Variants in RHCE observed in about 807,000 individuals in gnomAD.
RHCE encodes blood group Rh(CE) polypeptide.
In RHCE, 22 loss-of-function variants were observed where a neutral mutation model predicts 43.8. The observed-to-expected ratio is 0.50, with a 90% CI of 0.36 to 0.72. The LOEUF (loss-of-function observed/expected upper bound fraction) is 0.72, where lower values mean the gene tolerates loss of function less well. Among genes scored for constraint, RHCE ranks in the 30% least tolerant of loss-of-function variants. The probability of loss-of-function intolerance (pLI) is 0.00; values close to 1 mark genes in which losing one functional copy is unlikely to be tolerated. For missense variants in RHCE, 385 were observed against 525.4 expected (o/e 0.73, Z 2.61); for synonymous variants, 156 against 210.7 (o/e 0.74, Z 2.25).
At chr1:25,391,088 C>T (rs1361165603) in intron 4 of RHCE, among the ~76,000 whole-genome samples, 173 bp from the exon 5 acceptor site, 1 of 152,176 alleles carries the variant, frequency 6.6e-6, no homozygotes, top group African/African-American at 2.4e-5. Context: ...CAGCTAACCA[C>T]ATTTTACAGA....
chr1:25,374,599 A>C (rs1032870345), intron 8 of RHCE, among the ~76,000 whole-genome samples: 1 of 130,336 alleles, frequency 7.7e-6, no homozygotes, highest in Non-Finnish European at 1.6e-5. Context: ...CACCAACCAC[A>C]CTGGTCTCCT....
At chr1:25,403,883 T>G (rs1016770030) in intron 2 of RHCE, among the ~76,000 whole-genome samples, 12 of 151,944 alleles carry the variant, frequency 7.9e-5, no homozygotes, top group African/African-American at 2.9e-4. Context: ...TTTAACCCTA[T>G]AAGGCTGGGC....
At chr1:25,416,625 AT>A (rs969323663) in intron 1 of RHCE, among the ~76,000 whole-genome samples, 2 of 148,776 alleles carry the variant, frequency 1.3e-5, no homozygotes, top group Admixed American at 6.7e-5. Context: ...AAATATTTTC[AT>A]TTTTTTTTGA....
At chr1:25,394,092 G>A (rs1245933795) in intron 3 of RHCE, among the ~76,000 whole-genome samples, 2 of 152,118 alleles carry the variant, frequency 1.3e-5, no homozygotes, top group Non-Finnish European at 2.9e-5. Context: ...GGGTTCAAGC[G>A]ATTCTCCTGC....
Position 25,385,723 on chromosome 1 carries a change from T to C in RHCE, c.1061A>G (p.Asn354Ser). Residue 354 changes from asparagine to serine, a missense_variant, in exon 7 of 10, where the codon AAC becomes AGC. By Grantham distance (46) the Asn-to-Ser change is conservative. Around this residue, in one of 6 missense-constraint regions of RHCE, gnomAD observed 82 missense variants for 69.2 expected, o/e 1.18. Coordinates refer to ENST00000294413, the MANE Select transcript of RHCE (RefSeq NM_020485.8). ...CCCAGTGACCCACATGCCATTGCCGTTCCAGACAGTATGAAGCACCAGCAG... is the reference window on the plus strand; with the variant it reads ...CCCAGTGACCCACATGCCATTGCCGCTCCAGACAGTATGAAGCACCAGCAG... ...IVLLVLHTVW[N>S]GNGMIGFQVL... The C allele has an allele frequency of 6.2e-7, 1 of 1,613,956 alleles. No homozygotes were observed. The highest frequency in any genetic ancestry group is 8.5e-7 in the Non-Finnish European group (1 of 1,180,000).
chr1:25,411,232 CATCCGAAG>C, intron 1 of RHCE: 5 of 1,386,506 alleles, frequency 3.6e-6, no homozygotes, highest in Non-Finnish European at 4.8e-6. Flanking sequence ...GTTTCTGGGA[CATCCGAAG>C]GAAATAATGT....
chr1:25,369,008 G>A (rs1383632169), intron 9 of RHCE, among the ~76,000 whole-genome samples: 14 of 151,714 alleles, frequency 9.2e-5, no homozygotes, highest in South Asian at 2.1e-4. Flanking sequence ...TGATCCACCC[G>A]CCTTGGCCTC....
intron 2 of RHCE, among the ~76,000 whole-genome samples, chr1:25,403,300 T>C: frequency 6.6e-6 from 1 of 151,762 alleles, no homozygotes; most frequent in Non-Finnish European, 1.5e-5. Flanking sequence ...TTCATCTCAC[T>C]GAGCCTATTT....
intron 8 of RHCE, among the ~76,000 whole-genome samples, chr1:25,374,602 G>C (rs866522824): frequency 7.5e-6 from 1 of 133,652 alleles, no homozygotes; most frequent in South Asian, 2.6e-4. Flanking sequence ...CAACCACACT[G>C]GTCTCCTTAC....
intron 1 of RHCE, 43 bp from the exon 2 acceptor site, chr1:25,408,912 A>G (rs1646993579): frequency 8.1e-7 from 1 of 1,229,196 alleles, no homozygotes; most frequent in African/African-American, 1.4e-5. Flanking sequence ...GGGGAAGCAG[A>G]CGAGATTTAG....
intron 7 of RHCE, among the ~76,000 whole-genome samples, chr1:25,382,084 A>G (rs1646019165): frequency 1.3e-5 from 2 of 151,320 alleles, no homozygotes; most frequent in South Asian, 4.1e-4. Flanking sequence ...AGAGGGCAAG[A>G]GCATGCCAGC....
chr1:25,370,144 T>C (rs1357251460), intron 9 of RHCE, among the ~76,000 whole-genome samples: 1 of 151,722 alleles, frequency 6.6e-6, no homozygotes, highest in Non-Finnish European at 1.5e-5. Context: ...TGCGGGGTTC[T>C]GTCACCCGCA....
At chr1:25,383,512 G>T (rs965060526) in intron 7 of RHCE, among the ~76,000 whole-genome samples, 1 of 152,154 alleles carries the variant, frequency 6.6e-6, no homozygotes, top group African/African-American at 2.4e-5. Flanking sequence ...TGTGACATAG[G>T]ACTTATTTTC....
intron 7 of RHCE, among the ~76,000 whole-genome samples, chr1:25,381,112 C>G (rs1162727698): frequency 3.3e-5 from 5 of 152,078 alleles, no homozygotes; most frequent in African/African-American, 1.2e-4. Context: ...CTTGGTCACA[C>G]TCTCAGTTTT....
Position 25,392,100 on chromosome 1 carries a change from T to C in RHCE, c.528A>G (p.Ala176=). 1 of 1,614,178 alleles carries C rather than the reference T, an allele frequency of 6.2e-7. No individual in the cohort carries two copies. Among genetic ancestry groups the C allele is most frequent in the South Asian group, 1.1e-5 (1 of 91,088 alleles). Residue 176 remains alanine, a synonymous_variant, in exon 4 of 10, where the codon GCA becomes GCG. Transcript: ENST00000294413. ...HMNLRHFYVF[A]AYFGLTVAWC... is the part of the protein sequence containing the mutation. ...AGGCCACAGTCAGCCCAAAATAGGC[T>C]GCGAACACGTAGAAGTGCCTCAGGT...
chr1:25,396,624 G>C (rs1408059470), intron 3 of RHCE, among the ~76,000 whole-genome samples: 1 of 152,236 alleles, frequency 6.6e-6, no homozygotes, highest in Admixed American at 6.5e-5. Flanking sequence ...AGGTGAGAGA[G>C]AGAGAGAAAG....
intron 7 of RHCE, among the ~76,000 whole-genome samples, chr1:25,378,389 T>C (rs1459806233): frequency 1.3e-5 from 2 of 152,196 alleles, no homozygotes; most frequent in Non-Finnish European, 2.9e-5. Context: ...TACTAGAATA[T>C]TCATAATAGC....
chr1:25,402,092 G>C (rs904316786), intron 3 of RHCE, among the ~76,000 whole-genome samples: 1 of 151,982 alleles, frequency 6.6e-6, no homozygotes, highest in African/African-American at 2.4e-5. Flanking sequence ...GACCAGGCTG[G>C]TCTTGAACTC....
chr1:25,423,007 C>T (rs547912639), upstream of RHCE, among the ~76,000 whole-genome samples: 16 of 152,104 alleles, frequency 1.1e-4, no homozygotes, highest in African/African-American at 2.4e-4. Context: ...AGGTTCCTAA[C>T]GGGCCACAGC....
Sources: gnomAD v4.1 joint callset for allele counts (sites outside exome capture counted in the v4.1 genomes callset) on GRCh38, gnomAD v4.1.1 for gene constraint, gnomAD v4.1.1 regional missense constraint, MANE v1.5 for transcripts, NCBI Gene and HGNC (gene_info 2026-07-23, HGNC 2026-07-21) for gene names.